Variants in ATXN1 observed in about 807,000 individuals in gnomAD.
ATXN1 encodes ataxin 1.
In ATXN1, 8 loss-of-function variants were observed where a neutral mutation model predicts 56.4. The ratio of observed to expected loss-of-function variants is 0.14; its 90% CI spans 0.08 to 0.26. ATXN1 has a LOEUF of 0.26. Among genes scored for constraint, ATXN1 ranks in the 10% least tolerant of loss-of-function variants. ATXN1 has a pLI of 1.00. For missense variants in ATXN1, 987 were observed against 1,106.5 expected, an observed-to-expected ratio of 0.89 and a Z score of 1.53; for synonymous variants, 514 against 494.6, an observed-to-expected ratio of 1.04 and a Z score of -0.52.
intron 6 of ATXN1, among the ~76,000 whole-genome samples, chr6:16,481,623 C>T (rs577415432): frequency 6.6e-6 from 1 of 152,244 alleles, no homozygotes; most frequent in Non-Finnish European, 1.5e-5. Flanking sequence ...TCCTCAAAAG[C>T]TAACTAGCAC....
intron 4 of ATXN1, among the ~76,000 whole-genome samples, chr6:16,538,542 AT>A (rs1761649168): frequency 6.6e-6 from 1 of 151,834 alleles, no homozygotes; most frequent in African/African-American, 2.4e-5. Flanking sequence ...TTAACTTGTC[AT>A]TTAACATTAG....
Position 16,605,693 on chromosome 6 carries a change from G to A in ATXN1, c.-488-19786C>T, listed in dbSNP as rs540075059. Reference sequence around the variant, plus strand: ...TCTCTCAGTAAGAAGATTAGCAGGAGAATACATATGGTACAGTAGAAAAAT... The same window carrying A: ...TCTCTCAGTAAGAAGATTAGCAGGAAAATACATATGGTACAGTAGAAAAAT... On this transcript the variant is annotated intron_variant, in intron 3 of 7. Coordinates refer to ENST00000436367, the MANE Select transcript of ATXN1 (RefSeq NM_001128164.2). 1.8e-4 allele frequency among the ~76,000 whole-genome samples: 27 copies of A among 152,262 alleles called. No individual in the cohort carries two copies. The South Asian group carries it at 5.0e-3, about 28-fold the overall frequency.
chr6:16,385,181 T>C (rs1758212436), intron 6 of ATXN1, among the ~76,000 whole-genome samples: 1 of 151,846 alleles, frequency 6.6e-6, no homozygotes, highest in African/African-American at 2.4e-5. Flanking sequence ...AGCACAAGTA[T>C]GGCATGCCAG....
At chr6:16,460,410 C>A (rs1183847885) in intron 6 of ATXN1, among the ~76,000 whole-genome samples, 1 of 152,138 alleles carries the variant, frequency 6.6e-6, no homozygotes, top group Non-Finnish European at 1.5e-5. Context: ...GTAGTTGTGG[C>A]AGTGGCTATC....
intron 2 of ATXN1, among the ~76,000 whole-genome samples, chr6:16,677,529 G>C (rs1391717793): frequency 6.6e-6 from 1 of 152,190 alleles, no homozygotes; most frequent in Non-Finnish European, 1.5e-5. Flanking sequence ...AGAGCAAAAA[G>C]ATGGGGATAC....
intron 4 of ATXN1, among the ~76,000 whole-genome samples, chr6:16,552,920 A>G (rs1430894981): frequency 6.6e-6 from 1 of 152,240 alleles, no homozygotes; most frequent in Non-Finnish European, 1.5e-5. Flanking sequence ...TGCTCCACGT[A>G]TTTCCGATGA....
At chr6:16,394,833 C>T (rs964076026) in intron 6 of ATXN1, among the ~76,000 whole-genome samples, 5 of 152,114 alleles carry the variant, frequency 3.3e-5, no homozygotes, top group African/African-American at 9.7e-5. Flanking sequence ...GCATTTTCCA[C>T]GCTGGCTTTC....
At chr6:16,407,860 G>A (rs931944350) in intron 6 of ATXN1, among the ~76,000 whole-genome samples, 1 of 152,202 alleles carries the variant, frequency 6.6e-6, no homozygotes, top group South Asian at 2.1e-4. Context: ...GAGCCTCCTG[G>A]AAGAAAAAGA....
At chr6:16,330,893 G>A (rs770400168) in intron 6 of ATXN1, among the ~76,000 whole-genome samples, 29 of 152,076 alleles carry the variant, frequency 1.9e-4, no homozygotes, top group African/African-American at 5.6e-4. Flanking sequence ...CAAGAGAGGC[G>A]CTTAAAGACT....
At chr6:16,371,682 A>G (rs1249368514) in intron 6 of ATXN1, among the ~76,000 whole-genome samples, 1 of 152,070 alleles carries the variant, frequency 6.6e-6, no homozygotes, top group East Asian at 1.9e-4. Flanking sequence ...CTTCCTGAGT[A>G]GCTGGGACTA....
intron 2 of ATXN1, among the ~76,000 whole-genome samples, chr6:16,715,723 G>C (rs951780049): frequency 6.6e-6 from 1 of 152,084 alleles, no homozygotes; most frequent in African/African-American, 2.4e-5. Context: ...CAAGAAATGT[G>C]GTCTCCCATA....
chr6:16,581,262 G>A (rs1336669805), intron 4 of ATXN1, among the ~76,000 whole-genome samples: 1 of 151,456 alleles, frequency 6.6e-6, no homozygotes, highest in East Asian at 1.9e-4. Flanking sequence ...CTGGGTGGGT[G>A]TGTGGATGGG....
chr6:16,468,391 G>C (rs1356117897), intron 6 of ATXN1, among the ~76,000 whole-genome samples: 2 of 152,068 alleles, frequency 1.3e-5, no homozygotes, highest in Non-Finnish European at 2.9e-5. Context: ...GGGTTTCACT[G>C]TGTTAGTCAG....
intron 6 of ATXN1, among the ~76,000 whole-genome samples, chr6:16,411,646 A>G (rs1758803069): frequency 6.6e-6 from 1 of 152,212 alleles, no homozygotes; most frequent in Non-Finnish European, 1.5e-5. Context: ...GATGAGGATC[A>G]TTGAAGACGT....
At chr6:16,644,513 CAAAA>C (rs368108627) in intron 3 of ATXN1, among the ~76,000 whole-genome samples, 2 of 92,210 alleles carry the variant, frequency 2.2e-5, no homozygotes, top group Admixed American at 1.2e-4. Flanking sequence ...GACTCCGTTT[CAAAA>C]AAAAAAAAAA....
At chr6:16,440,649 A>AAAAAAAAAAAAAAAAGAAAG (rs56105499) in intron 6 of ATXN1, among the ~76,000 whole-genome samples, 1 of 113,660 alleles carries the variant, frequency 8.8e-6, no homozygotes, top group African/African-American at 3.7e-5. Flanking sequence ...TTAAAAAAAA[A>AAAAAAAAAAAAAAAAGAAAG]AAAGAAAAGA....
intron 2 of ATXN1, among the ~76,000 whole-genome samples, chr6:16,741,183 A>G (rs1176745859): frequency 6.6e-6 from 1 of 152,164 alleles, no homozygotes; most frequent in Non-Finnish European, 1.5e-5. Flanking sequence ...GTACTTTTCT[A>G]CTCAAGCAGT....
At chr6:16,645,216 G>A (rs1185946147) in intron 3 of ATXN1, among the ~76,000 whole-genome samples, 1 of 152,128 alleles carries the variant, frequency 6.6e-6, no homozygotes, top group African/African-American at 2.4e-5. Flanking sequence ...AGGTACTCAC[G>A]CCCAAACTGC....
chr6:16,443,562 C>G (rs1482147212), intron 6 of ATXN1, among the ~76,000 whole-genome samples: 1 of 152,040 alleles, frequency 6.6e-6, no homozygotes. Context: ...GGACTAAAAA[C>G]CAATACAAAA....
Sources: allele counts gnomAD v4.1 joint callset (sites outside exome capture counted in the v4.1 genomes callset), GRCh38; gene constraint gnomAD v4.1.1; transcripts MANE v1.5; gene names NCBI Gene and HGNC (gene_info 2026-07-23, HGNC 2026-07-21).